Variants in GALC observed in about 807,000 individuals in gnomAD.
GALC encodes the protein galactocerebrosidase.
GALC carries 77 observed loss-of-function variants against 91.8 expected under a neutral mutation model. That is an observed-to-expected ratio of 0.84 (90% confidence interval 0.70 to 1.01). The LOEUF (loss-of-function observed/expected upper bound fraction) is 1.01. GALC is among the 50% of genes least tolerant of loss of function. GALC has a pLI of 0.00. For synonymous variants in GALC, 357 were observed against 306.7 expected, an observed-to-expected ratio of 1.16 and a Z score of -1.71; for missense variants, 882 against 855.9, an observed-to-expected ratio of 1.03 and a Z score of -0.38.
At chr14:87,950,782 G>A in intron 10 of GALC, 34 bp from the exon 11 acceptor site, 2 of 1,424,858 alleles carry the variant, frequency 1.4e-6, no homozygotes, top group Non-Finnish European at 2.0e-6. Context: ...TTATCCAAAT[G>A]ATGTATAAGC....
Position 87,933,882 on chromosome 14 carries a change from C to A in GALC, c.*850G>T. On this transcript the variant is annotated 3_prime_UTR_variant, in exon 17 of 17. Coordinates refer to ENST00000261304, the MANE Select transcript of GALC (RefSeq NM_000153.4). ...ATAAGGAGAGAAAAGCATTCATCAGCTGTGTGAGTCTGTTACCAGTGCACA... is the reference window on the plus strand; with the variant it reads ...ATAAGGAGAGAAAAGCATTCATCAGATGTGTGAGTCTGTTACCAGTGCACA... The A allele has an allele frequency of 2.0e-6, 2 of 991,326 alleles. No individual in the cohort carries two copies. Among genetic ancestry groups the A allele is most frequent in the Non-Finnish European group, 3.0e-6 (2 of 656,662 alleles). The allele number at this position is 991,326 out of a possible 1,614,324, so 61.4% of individuals were successfully genotyped here.
At chr14:87,953,844 T>C (rs1885409181) in intron 10 of GALC, 9 of 1,609,812 alleles carry the variant, frequency 5.6e-6, no homozygotes, top group African/African-American at 4.0e-5. Context: ...GCTATCTCCA[T>C]GTCATGTGAA....
chr14:87,953,890 C>G, intron 10 of GALC: 3 of 1,610,252 alleles, frequency 1.9e-6, no homozygotes, highest in Non-Finnish European at 2.5e-6. Context: ...AATTCTGGCT[C>G]TAAAGTGCCT....
intron 16 of GALC, 107 bp downstream of exon 16, chr14:87,939,798 C>T (rs1884757068): frequency 1.2e-6 from 1 of 861,422 alleles, no homozygotes; most frequent in Non-Finnish European, 2.0e-6. Context: ...TTCTTTGTCT[C>T]TCTTCATTAT....
intron 6 of GALC, chr14:87,976,770 A>G (rs1181529801): frequency 5.4e-6 from 2 of 367,566 alleles, no homozygotes; most frequent in Non-Finnish European, 5.2e-6. Context: ...ACGCGCCACC[A>G]CGCCTGGCTA....
chr14:87,992,854 T>G, intron 1 of GALC, 116 bp downstream of exon 1: 3 of 1,398,976 alleles, frequency 2.1e-6, no homozygotes, highest in Non-Finnish European at 2.8e-6. Flanking sequence ...CCTAGGGGAA[T>G]GCGGCGGAGA....
chr14:87,992,942 C>T (rs1887274095), intron 1 of GALC, 28 bp downstream of exon 1: 4 of 1,502,468 alleles, frequency 2.7e-6, no homozygotes, highest in African/African-American at 2.9e-5. Context: ...TTGCCGCCCC[C>T]CGCGTATCCC....
chr14:87,945,452 C>A, intron 14 of GALC, 101 bp downstream of exon 14: 1 of 891,026 alleles, frequency 1.1e-6, no homozygotes, highest in Non-Finnish European at 1.9e-6. Flanking sequence ...CTATTAGGTT[C>A]TTGAAATAGG....
intron 1 of GALC, 114 bp downstream of exon 1, chr14:87,992,856 C>T: frequency 1.4e-6 from 2 of 1,397,208 alleles, no homozygotes; most frequent in Non-Finnish European, 9.2e-7. Context: ...TAGGGGAATG[C>T]GGCGGAGAGT....
At chr14:87,950,903 T>C (rs1372177213) in intron 10 of GALC, among the ~76,000 whole-genome samples, 155 bp from the exon 11 acceptor site, 5 of 151,858 alleles carry the variant, frequency 3.3e-5, no homozygotes, top group East Asian at 1.9e-4. Flanking sequence ...TTTTTTACAA[T>C]ATAATATTTA....
chr14:87,951,814 G>T (rs963237923), intron 10 of GALC, among the ~76,000 whole-genome samples: 2 of 151,870 alleles, frequency 1.3e-5, no homozygotes, highest in African/African-American at 2.4e-5. Flanking sequence ...ATCACAATTT[G>T]TGGTATGCCA....
At chr14:87,986,349 G>T (rs765470511) in intron 4 of GALC, 140 bp downstream of exon 4, 1 of 690,832 alleles carries the variant, frequency 1.4e-6, no homozygotes, top group Non-Finnish European at 2.6e-6. Flanking sequence ...CCTGGCACAT[G>T]CTTTGCTGCT....
At chr14:87,969,561 T>G (rs994095160) in intron 7 of GALC, among the ~76,000 whole-genome samples, 1 of 152,146 alleles carries the variant, frequency 6.6e-6, no homozygotes, top group Non-Finnish European at 1.5e-5. Context: ...GCTAAATAAC[T>G]GTAGGAATAA....
chr14:87,987,684 T>C (rs928484805), intron 3 of GALC: 21 of 162,230 alleles, frequency 1.3e-4, no homozygotes, highest in African/African-American at 5.1e-4. Flanking sequence ...ATAAAGCCAA[T>C]CAAAATAGTG....
At chr14:87,987,362 C>G (rs986392557) in intron 3 of GALC, among the ~76,000 whole-genome samples, 1 of 152,210 alleles carries the variant, frequency 6.6e-6, no homozygotes, top group African/African-American at 2.4e-5. Context: ...ATTAGTCCAT[C>G]ATTGTCAATT....
chr14:87,986,545 T>A lies in GALC; in HGVS notation c.386A>T (p.Tyr129Phe), dbSNP rs759271015. 2 of 1,613,774 alleles carry A rather than the reference T, an allele frequency of 1.2e-6. No homozygotes were observed. Among genetic ancestry groups the A allele is most frequent in the Non-Finnish European group, 1.7e-6 (2 of 1,179,802 alleles). ...YALDENYFRG[Y>F]EWWLMKEAKK... Reference sequence around the variant, plus strand: ...AGCTTCTTTCATCAACCACCACTCGTATCCTCGGAAATAATTCTCATCTAG... The same window carrying A: ...AGCTTCTTTCATCAACCACCACTCGAATCCTCGGAAATAATTCTCATCTAG... The change falls in exon 4 of 17, where the codon TAC becomes TTC. Residue 129 changes from tyrosine to phenylalanine, a missense_variant. Physicochemically the swap from Tyr to Phe is conservative, Grantham distance 22 (BLOSUM62 3). Transcript: ENST00000261304.
rs570416987 is a variant in GALC at position 87,959,333 on chromosome 14, G to A, written c.1161+4051C>T. On this transcript the variant is annotated intron_variant, in intron 10 of 16. Transcript: ENST00000261304. ...AAAACAAAAGAAAACAAGTGTTGGTGAGGATGTGGAAAAAAAGAAATACTT... is the reference window on the plus strand; with the variant it reads ...AAAACAAAAGAAAACAAGTGTTGGTAAGGATGTGGAAAAAAAGAAATACTT... Among the ~76,000 whole-genome samples the A allele has an allele frequency of 2.7e-3, 412 of 152,264 alleles. 3 individuals are homozygous for A. Among genetic ancestry groups the A allele is most frequent in the African/African-American group, 9.6e-3 (397 of 41,546 alleles).
rs779511828 is a variant in GALC, at chr14:87,945,562, T to C, written c.1661A>G (p.Asp554Gly). The change falls in exon 14 of 17, where the codon GAC becomes GGC. Residue 554 changes from aspartate (D) to glycine (G), a missense_variant. Physicochemically the swap from Asp to Gly is moderately conservative, Grantham distance 94. Transcript: ENST00000261304. Reference sequence around the variant, plus strand: ...AGAACATCAATCTTACCAGTTGTAGTCTCCTATAATACTGATTGTGTTGGA... The same window carrying C: ...AGAACATCAATCTTACCAGTTGTAGCCTCCTATAATACTGATTGTGTTGGA... ...DASNTISIIG[D>G]YNWTNLTIKC... 1.3e-6 allele frequency: 2 copies of C among 1,597,630 alleles called. No homozygotes were observed. Among genetic ancestry groups the C allele is most frequent in the Non-Finnish European group, 1.7e-6 (2 of 1,165,304 alleles).
Position 87,982,247 on chromosome 14 carries a change from C to A in GALC, c.583-4G>T, listed in dbSNP as rs751820306. On this transcript the variant is annotated splice_polypyrimidine_tract_variant and splice_region_variant and intron_variant, in intron 5 of 16. Coordinates refer to ENST00000261304, the MANE Select transcript of GALC (RefSeq NM_000153.4). The stretch of plus-strand genomic sequence containing the variant: ...TATATGACCTCTCATTCCAAATCTG[C>A]AAAACAAAAAGTCAAAAAAGTCTGA... 26 of 1,575,402 alleles carry A rather than the reference C, an allele frequency of 1.7e-5. No individual in the cohort carries two copies. In the South Asian group the frequency reaches 2.7e-4, roughly 16 times the overall value.
Sources: gnomAD v4.1 joint callset for allele counts (sites outside exome capture counted in the v4.1 genomes callset) on GRCh38, gnomAD v4.1.1 for gene constraint, MANE v1.5 for transcripts, NCBI Gene and HGNC (gene_info 2026-07-23, HGNC 2026-07-21) for gene names.